The following PRLR variants were observed in gnomAD, a reference collection of about 807,000 sequenced individuals.
PRLR encodes the protein hPRL receptor.
In PRLR, 13 loss-of-function variants were observed where a neutral mutation model predicts 40.2. That is an observed-to-expected ratio of 0.32 (90% CI 0.21 to 0.51). The LOEUF (loss-of-function observed/expected upper bound fraction) is 0.51, where lower values mean the gene tolerates loss of function less well. Among genes scored for constraint, PRLR ranks in the 20% least tolerant of loss-of-function variants. The probability of loss-of-function intolerance (pLI) is 0.97; values close to 1 mark genes in which losing one functional copy is unlikely to be tolerated. For missense variants in PRLR, 656 were observed against 747.3 expected (o/e 0.88, Z 1.42); for synonymous variants, 269 against 278.7 (o/e 0.97, Z 0.35).
rs2112349797 is a variant in PRLR, at chr5:35,060,744, A to G, written c.*4345T>C. ...TCAAGAACACATGAGACTTTCGTCA[A>G]TGGCACATCTACGTTAGCAATGCTT... On this transcript the variant is annotated 3_prime_UTR_variant, in exon 10 of 10. Transcript: ENST00000618457. 1 of 152,356 alleles carries G rather than the reference A, an allele frequency of 6.6e-6. No homozygotes were observed. 9.4% of individuals were successfully genotyped at this position (152,356 alleles called of 1,614,324 possible).
At chr5:35,207,757 T>A (rs1449215833) in intron 1 of PRLR, among the ~76,000 whole-genome samples, 2 of 152,208 alleles carry the variant, frequency 1.3e-5, no homozygotes, top group African/African-American at 4.8e-5. Flanking sequence ...TATATACATG[T>A]ATTTACACAC....
intron 5 of PRLR, among the ~76,000 whole-genome samples, chr5:35,075,522 G>T (rs1234336580): frequency 3.3e-5 from 5 of 152,190 alleles, no homozygotes. Flanking sequence ...GCTTGAGATT[G>T]TAAACAAAGT....
intron 1 of PRLR, among the ~76,000 whole-genome samples, chr5:35,207,599 A>G (rs187199091): frequency 2.7e-5 from 4 of 149,356 alleles, no homozygotes; most frequent in African/African-American, 9.9e-5. Flanking sequence ...TCCCAATCAA[A>G]TTACCAATGG....
At chr5:35,124,873 T>C (rs182001475) in intron 1 of PRLR, among the ~76,000 whole-genome samples, 3 of 152,296 alleles carry the variant, frequency 2.0e-5, no homozygotes, top group Admixed American at 2.0e-4. Flanking sequence ...TTATCAGAAG[T>C]GTATCAGTCA....
At chr5:35,076,897 T>C (rs1360617201) in intron 5 of PRLR, among the ~76,000 whole-genome samples, 1 of 152,164 alleles carries the variant, frequency 6.6e-6, no homozygotes, top group African/African-American at 2.4e-5. Flanking sequence ...TATTCAACAT[T>C]CTCAAAGAAA....
chr5:35,215,432 G>A (rs1394921004), intron 1 of PRLR, among the ~76,000 whole-genome samples: 1 of 152,138 alleles, frequency 6.6e-6, no homozygotes, highest in South Asian at 2.1e-4. Context: ...TGAACTCTTG[G>A]TGAGGATGAT....
chr5:35,171,846 T>C (rs1038803564), intron 1 of PRLR, among the ~76,000 whole-genome samples: 2 of 152,306 alleles, frequency 1.3e-5, no homozygotes, highest in South Asian at 2.1e-4. Context: ...TTAATTCTAC[T>C]CTAGATGATA....
At chr5:35,160,179 G>A (rs969377988) in intron 1 of PRLR, among the ~76,000 whole-genome samples, 5 of 152,158 alleles carry the variant, frequency 3.3e-5, no homozygotes, top group African/African-American at 1.2e-4. Flanking sequence ...TTTTTGAATA[G>A]TTGAAAACAA....
At chr5:35,115,537 C>A (rs180885993) in intron 2 of PRLR, among the ~76,000 whole-genome samples, 1 of 152,138 alleles carries the variant, frequency 6.6e-6, no homozygotes, top group African/African-American at 2.4e-5. Context: ...CACATCCTCC[C>A]GAGGACCCTG....
rs542106183 is a variant in PRLR at position 35,068,492 on chromosome 5, G to A, written c.786-207C>T. Among the ~76,000 whole-genome samples the A allele has an allele frequency of 9.9e-5, 15 of 152,268 alleles. No individual in the cohort carries two copies. In the South Asian group the frequency reaches 3.1e-3, roughly 32 times the overall value. Reference sequence around the variant, plus strand: ...ATTAAGGAGGCTGATTTTGAAGTTAGTGGATTATCTGGACTATTTGCTTCT... The same window carrying A: ...ATTAAGGAGGCTGATTTTGAAGTTAATGGATTATCTGGACTATTTGCTTCT... On this transcript the variant is annotated intron_variant, in intron 8 of 9. Transcript: ENST00000618457.
intron 1 of PRLR, among the ~76,000 whole-genome samples, chr5:35,203,385 G>A (rs76906070): frequency 6.6e-6 from 1 of 152,150 alleles, no homozygotes; most frequent in Non-Finnish European, 1.5e-5. Flanking sequence ...TGTGTTGAGT[G>A]TGTAATTAGA....
intron 1 of PRLR, among the ~76,000 whole-genome samples, chr5:35,180,786 C>A (rs1453231565): frequency 6.6e-6 from 1 of 152,140 alleles, no homozygotes; most frequent in South Asian, 2.1e-4. Flanking sequence ...CACCCTGTGT[C>A]CAAGTGTTCT....
chr5:35,089,744 A>G, intron 2 of PRLR, 81 bp from the exon 3 acceptor site: 1 of 800,084 alleles, frequency 1.2e-6, no homozygotes, highest in Non-Finnish European at 2.1e-6. Context: ...GGGTATTTGC[A>G]ACTGATTGTT....
At chr5:35,105,515 T>C (rs915904221) in intron 2 of PRLR, among the ~76,000 whole-genome samples, 1 of 151,952 alleles carries the variant, frequency 6.6e-6, no homozygotes, top group Non-Finnish European at 1.5e-5. Context: ...GAATAAACAG[T>C]GTATAGAGAA....
At chr5:35,116,755 G>A (rs1183090132) in intron 2 of PRLR, among the ~76,000 whole-genome samples, 2 of 152,160 alleles carry the variant, frequency 1.3e-5, no homozygotes, top group East Asian at 3.9e-4. Flanking sequence ...ATGCTGTGGG[G>A]CACTCTTGTA....
At position 35,086,222 on chromosome 5, in the gene PRLR, A is replaced by G. The variant is rs1222431273; in HGVS notation, c.189T>C (p.Thr63=). Residue 63 remains threonine, a synonymous_variant, in exon 4 of 10, where the codon ACT becomes ACC. Transcript: ENST00000618457. ...DGGLPTNYSL[T]YHREGETLMH... is the part of the protein sequence containing the mutation. ...GAACTTCTTACCCTTCCCTGTGGTAAGTCAGTGAATAATTGGTAGGAAGTC... is the reference window on the plus strand; with the variant it reads ...GAACTTCTTACCCTTCCCTGTGGTAGGTCAGTGAATAATTGGTAGGAAGTC... The G allele has an allele frequency of 6.2e-7, 1 of 1,613,976 alleles. No homozygotes were observed. The highest frequency in any genetic ancestry group is 8.5e-7 in the Non-Finnish European group (1 of 1,179,918).
At chr5:35,197,426 C>T (rs1372478956) in intron 1 of PRLR, among the ~76,000 whole-genome samples, 1 of 152,230 alleles carries the variant, frequency 6.6e-6, no homozygotes, top group Admixed American at 6.5e-5. Context: ...CGGGGTTCCC[C>T]CTGGGAAGTT....
At chr5:35,144,191 CTT>C (rs1774108540) in intron 1 of PRLR, among the ~76,000 whole-genome samples, 1 of 148,468 alleles carries the variant, frequency 6.7e-6, no homozygotes, top group Admixed American at 6.7e-5. Context: ...TTTTATCTTT[CTT>C]TTGTTTCATG....
chr5:35,089,286 C>G (rs555697411), intron 3 of PRLR, among the ~76,000 whole-genome samples: 1 of 152,344 alleles, frequency 6.6e-6, no homozygotes, highest in East Asian at 1.9e-4. Flanking sequence ...TGGATTAGAA[C>G]TCAGGTCCTG....
Sources: gnomAD v4.1 joint callset for allele counts (sites outside exome capture counted in the v4.1 genomes callset) on GRCh38, gnomAD v4.1.1 for gene constraint, MANE v1.5 for transcripts, NCBI Gene and HGNC (gene_info 2026-07-23, HGNC 2026-07-21) for gene names.